PCCA: variants seen among roughly 807,000 people sequenced by gnomAD.
The protein encoded by PCCA is propionyl-CoA carboxylase alpha chain, mitochondrial.
Under a neutral mutation model 101.3 loss-of-function variants are expected in PCCA, and 74 were observed. That is an observed-to-expected ratio of 0.73 (90% CI 0.61 to 0.89). The LOEUF is 0.89. Ranked by LOEUF, PCCA falls within the 40% of genes least tolerant of loss-of-function variation. The pLI, the probability that PCCA is intolerant of heterozygous loss-of-function variation, is 0.00. For missense variants in PCCA, 891 were observed against 907.0 expected (o/e 0.98, Z 0.23); for synonymous variants, 294 against 313.6 (o/e 0.94, Z 0.66).
chr13:100,201,193 TTATA>T (rs995320594), intron 6 of PCCA, among the ~76,000 whole-genome samples: 1 of 152,154 alleles, frequency 6.6e-6, no homozygotes. Context: ...CTATAAGGTT[TTATA>T]TATATATCTC....
Position 100,425,639 on chromosome 13 carries a change from G to T in PCCA, c.1753G>T (p.Val585Phe). The change falls in exon 20 of 24, where the codon GTT (valine) becomes TTT (phenylalanine). Residue 585 changes from valine (V) to phenylalanine (F), a missense_variant. Coordinates refer to ENST00000376285, the MANE Select transcript of PCCA (RefSeq NM_000282.4). ...SNNGSVFSVE[V>F]DGSKLNVTST... ...TTATTTGGTGTCACAACAGGTGGAA[G>T]TTGATGGGTCGAAACTAAATGTGAC... is the stretch of plus-strand genomic sequence containing the variant. 1 of 1,612,584 alleles carries T rather than the reference G, an allele frequency of 6.2e-7. No homozygotes were observed. Among genetic ancestry groups the T allele is most frequent in the Non-Finnish European group, 8.5e-7 (1 of 1,178,556 alleles).
chr13:100,349,770 A>G (rs556716040), intron 18 of PCCA, among the ~76,000 whole-genome samples: 1 of 74,156 alleles, frequency 1.3e-5, no homozygotes, highest in South Asian at 3.1e-4. Context: ...TTAGGAGAAC[A>G]TATCAAGTAT....
At chr13:100,288,579 C>T (rs1372291494) in intron 12 of PCCA, among the ~76,000 whole-genome samples, 1 of 152,170 alleles carries the variant, frequency 6.6e-6, no homozygotes. Flanking sequence ...GGGCACCCGG[C>T]GATACATTGT....
chr13:100,224,938 CAGAT>C (rs1397696707), intron 7 of PCCA, among the ~76,000 whole-genome samples: 3 of 152,122 alleles, frequency 2.0e-5, no homozygotes, highest in African/African-American at 7.2e-5. Context: ...AATTAGGATC[CAGAT>C]ATGTATGGGC....
At chr13:100,314,013 C>A (rs780136533) in intron 16 of PCCA, among the ~76,000 whole-genome samples, 1 of 151,784 alleles carries the variant, frequency 6.6e-6, no homozygotes, top group African/African-American at 2.4e-5. Flanking sequence ...TATTATCTTG[C>A]CGTCTTTCAT....
intron 4 of PCCA, among the ~76,000 whole-genome samples, chr13:100,112,929 C>T (rs2048459262): frequency 6.6e-6 from 1 of 151,958 alleles, no homozygotes; most frequent in African/African-American, 2.4e-5. Context: ...AAAAAAATCC[C>T]ATGGGGAAAG....
chr13:100,472,431 T>TG (rs2083091574), intron 21 of PCCA, among the ~76,000 whole-genome samples: 1 of 152,044 alleles, frequency 6.6e-6, no homozygotes, highest in African/African-American at 2.4e-5. Flanking sequence ...GAAAGGTACC[T>TG]GCGTATTTTC....
At chr13:100,124,070 T>G (rs1218920075) in intron 4 of PCCA, among the ~76,000 whole-genome samples, 2 of 152,332 alleles carry the variant, frequency 1.3e-5, no homozygotes, top group South Asian at 4.1e-4. Context: ...ATGAATGTTT[T>G]AAGTATAAAG....
Position 100,119,956 on chromosome 13 carries a change from C to T in PCCA, c.300+7895C>T, listed in dbSNP as rs112948368. 1.2e-4 allele frequency among the ~76,000 whole-genome samples: 18 copies of T among 152,002 alleles called. 1 individual carries two copies. Among genetic ancestry groups the T allele is most frequent in the Non-Finnish European group, 2.4e-4 (16 of 67,990 alleles). On this transcript the variant is annotated intron_variant, in intron 4 of 23. Coordinates refer to ENST00000376285, the MANE Select transcript of PCCA (RefSeq NM_000282.4). Reference sequence around the variant, plus strand: ...GCGCAATCTCAGCTCACTGCAACCTCCATCTCCTGGGTTCAAGCGATTCTC... The same window carrying T: ...GCGCAATCTCAGCTCACTGCAACCTTCATCTCCTGGGTTCAAGCGATTCTC...
intron 4 of PCCA, among the ~76,000 whole-genome samples, chr13:100,129,809 C>G (rs1293709423): frequency 6.6e-6 from 1 of 152,206 alleles, no homozygotes; most frequent in African/African-American, 2.4e-5. Flanking sequence ...GTGGCTCTGG[C>G]TCTCTTCTCA....
chr13:100,397,178 CTG>C (rs2077088197), intron 19 of PCCA, among the ~76,000 whole-genome samples: 1 of 152,158 alleles, frequency 6.6e-6, no homozygotes, highest in Admixed American at 6.5e-5. Context: ...ACCCTTGCCA[CTG>C]TGTTTTCCTA....
rs536256884 is a variant in PCCA at position 100,253,129 on chromosome 13, C to G, written c.638-4466C>G. 6.8e-4 allele frequency among the ~76,000 whole-genome samples: 103 copies of G among 152,268 alleles called. 1 individual carries two copies. Among genetic ancestry groups the G allele is most frequent in the African/African-American group, 2.3e-3 (95 of 41,556 alleles). ...TCCGTGTTATAGCAGTCATCACTAT[C>G]TTACATTGTGTATAAGACATACATG... is the stretch of plus-strand genomic sequence containing the variant. On this transcript the variant is annotated intron_variant, in intron 8 of 23. Coordinates refer to ENST00000376285, the MANE Select transcript of PCCA (RefSeq NM_000282.4).
At chr13:100,308,529 T>C (rs1308487734) in intron 15 of PCCA, among the ~76,000 whole-genome samples, 1 of 151,920 alleles carries the variant, frequency 6.6e-6, no homozygotes, top group African/African-American at 2.4e-5. Context: ...CTTCCTCATG[T>C]TACCCAGGCT....
At chr13:100,373,167 A>G (rs1470508769) in intron 19 of PCCA, among the ~76,000 whole-genome samples, 1 of 152,246 alleles carries the variant, frequency 6.6e-6, no homozygotes, top group Non-Finnish European at 1.5e-5. Context: ...ACGCATGGCC[A>G]ATAAGCACAT....
chr13:100,502,407 A>G (rs1162453578), intron 21 of PCCA, among the ~76,000 whole-genome samples: 1 of 152,190 alleles, frequency 6.6e-6, no homozygotes, highest in Non-Finnish European at 1.5e-5. Context: ...AGGAGAGCAG[A>G]GCGGCACAGA....
At chr13:100,406,428 G>A (rs1481584424) in intron 19 of PCCA, among the ~76,000 whole-genome samples, 1 of 152,174 alleles carries the variant, frequency 6.6e-6, no homozygotes, top group Non-Finnish European at 1.5e-5. Context: ...AAATTGGCCG[G>A]GTGCGGCCGC....
intron 6 of PCCA, among the ~76,000 whole-genome samples, chr13:100,199,753 T>G (rs1474981246): frequency 6.6e-5 from 10 of 152,232 alleles, no homozygotes; most frequent in Admixed American, 6.5e-4. Flanking sequence ...GGAATATATT[T>G]AGAAAGAAAC....
In PCCA at chr13:100,301,491, G is replaced by T. The variant is rs1207685302; in HGVS notation, c.1097G>T (p.Gly366Val). 1.2e-6 allele frequency: 2 copies of T among 1,613,976 alleles called. No individual in the cohort carries two copies. Among genetic ancestry groups the T allele is most frequent in the Non-Finnish European group, 1.7e-6 (2 of 1,179,886 alleles). ...CATCCTGTCACAGAATGCATTACTG[G>T]CCTGGACCTAGTCCAGGAAATGATC... is the stretch of plus-strand genomic sequence containing the variant. ...VEHPVTECIT[G>V]LDLVQEMIRV... Residue 366 changes from glycine (G) to valine (V), a missense_variant, in exon 13 of 24, where the codon GGC (glycine) becomes GTC (valine). By Grantham distance (109) the Gly-to-Val change is moderately radical (BLOSUM62 -3). Transcript: ENST00000376285.
chr13:100,366,551 G>GA (rs954159561), intron 18 of PCCA, among the ~76,000 whole-genome samples: 13 of 151,698 alleles, frequency 8.6e-5, no homozygotes, highest in Non-Finnish European at 1.2e-4. Context: ...AAGGTGCTAA[G>GA]AAAAAAAAGA....
Sources: allele counts gnomAD v4.1 joint callset (sites outside exome capture counted in the v4.1 genomes callset), GRCh38; gene constraint gnomAD v4.1.1; transcripts MANE v1.5; gene names NCBI Gene and HGNC (gene_info 2026-07-23, HGNC 2026-07-21).